The following TRPA1 variants were observed in gnomAD, a reference collection of about 807,000 sequenced individuals.
The protein encoded by TRPA1 is transient receptor potential cation channel subfamily A member 1.
Under a neutral mutation model 131.3 loss-of-function variants are expected in TRPA1, and 129 were observed. That is an observed-to-expected ratio of 0.98 (90% CI 0.85 to 1.14). TRPA1 has a LOEUF of 1.14. TRPA1 is among the 50% of genes most tolerant of loss of function. TRPA1 has a pLI of 0.00. For missense variants in TRPA1, 1,304 were observed against 1,354.2 expected (o/e 0.96, Z 0.58); for synonymous variants, 441 against 451.7 (o/e 0.98, Z 0.30).
At chr8:72,081,837 A>T in the TRPA1 span, among the ~76,000 whole-genome samples, 1 of 151,846 alleles carries the variant, frequency 6.6e-6, no homozygotes, top group Admixed American at 6.6e-5. Context: ...CAGATGGCAG[A>T]TCTTTTTCCA....
At chr8:72,083,778 T>A in the TRPA1 span, among the ~76,000 whole-genome samples, 4 of 151,506 alleles carry the variant, frequency 2.6e-5, no homozygotes, top group East Asian at 1.9e-4. Flanking sequence ...CAAAAAAAAA[T>A]TTTTCTGTAA....
rs976411300 is a variant in TRPA1, at chr8:72,038,088, A to G, written c.2296-16T>C. 2.4e-6 allele frequency: 3 copies of G among 1,240,160 alleles called. No homozygotes were observed. Among genetic ancestry groups the G allele is most frequent in the Non-Finnish European group, 3.5e-6 (3 of 847,442 alleles). 76.8% of individuals were successfully genotyped at this position (1,240,160 alleles called of 1,614,324 possible). The stretch of plus-strand genomic sequence containing the variant: ...GATATGAATTCTAAAACAAAAAAGG[A>G]TAAGACACATAGTTATGAGAGATAT... On this transcript the variant is annotated splice_polypyrimidine_tract_variant and intron_variant, in intron 19 of 26. Transcript: ENST00000262209.
chr8:72,025,104 TCGTGTG>T lies in TRPA1; in HGVS notation c.3051+850_3051+855del, dbSNP rs777052205. ...TATAGTGGATGCTGTGTGTGTGTGT[TCGTGTG>T]TGTGTGTGTGTGTGTGTGTGTGTGT... On this transcript the variant is annotated intron_variant, in intron 25 of 26. Coordinates refer to ENST00000262209, the MANE Select transcript of TRPA1 (RefSeq NM_007332.3). 1.4e-3 allele frequency among the ~76,000 whole-genome samples: 180 copies of T among 125,678 alleles called. 2 individuals carry two copies. Among genetic ancestry groups the T allele is most frequent in the South Asian group, 0.01 (40 of 3,844 alleles). 82.4% of individuals were successfully genotyped at this position (125,678 alleles called of 152,430 possible).
chr8:72,063,735 G>A (rs1407227638), intron 4 of TRPA1, among the ~76,000 whole-genome samples, 164 bp from the exon 5 acceptor site: 1 of 152,096 alleles, frequency 6.6e-6, no homozygotes, highest in Non-Finnish European at 1.5e-5. Flanking sequence ...AGGTAATTTT[G>A]AAGTAGACTA....
chr8:72,073,045 C>T (rs538607822), intron 1 of TRPA1, among the ~76,000 whole-genome samples: 3 of 152,114 alleles, frequency 2.0e-5, no homozygotes, highest in Non-Finnish European at 4.4e-5. Context: ...AATGTAGTTT[C>T]ATGTTGTCAC....
At chr8:72,039,081 T>C (rs1198073331) in intron 18 of TRPA1, 54 bp from the exon 19 acceptor site, 1 of 1,578,358 alleles carries the variant, frequency 6.3e-7, no homozygotes, top group African/African-American at 1.3e-5. Context: ...AAATATTTAC[T>C]TAAGATACCT....
At chr8:72,084,801 G>A in the TRPA1 span, among the ~76,000 whole-genome samples, 193 of 151,774 alleles carry the variant, frequency 1.3e-3, no homozygotes, top group Non-Finnish European at 2.3e-3. Flanking sequence ...ACAGGTGCCT[G>A]CCACCACACC....
chr8:72,063,694 G>C, intron 4 of TRPA1, 123 bp from the exon 5 acceptor site: 1 of 688,542 alleles, frequency 1.5e-6, no homozygotes, highest in Non-Finnish European at 2.6e-6. Context: ...AGTACATAGA[G>C]AGCTTCATAT....
At chr8:72,075,638 G>A (rs1023430115), upstream of TRPA1, 1 of 560,338 alleles carries the variant, frequency 1.8e-6, no homozygotes, top group Non-Finnish European at 3.2e-6. Flanking sequence ...GGCGGGGCGC[G>A]GAGAGGAGGT....
At chr8:72,083,615 CGT>C in the TRPA1 span, among the ~76,000 whole-genome samples, 1 of 151,066 alleles carries the variant, frequency 6.6e-6, no homozygotes, top group South Asian at 2.1e-4. Flanking sequence ...TGGTGGCAGG[CGT>C]CTGTAGTCCC....
intron 17 of TRPA1, among the ~76,000 whole-genome samples, chr8:72,043,813 A>G (rs1007066649): frequency 1.3e-5 from 2 of 151,904 alleles, no homozygotes; most frequent in Non-Finnish European, 2.9e-5. Context: ...TATAATTTTC[A>G]TCAGCACTCT....
intron 17 of TRPA1, chr8:72,041,378 A>T (rs557544921): frequency 1.3e-5 from 2 of 152,150 alleles, no homozygotes; most frequent in Admixed American, 1.3e-4. Context: ...AGACATACAC[A>T]GAACAGTTCA....
Position 72,023,969 on chromosome 8 carries a change from A to G in TRPA1, c.3052-58T>C, listed in dbSNP as rs553840060. On this transcript the variant is annotated intron_variant, in intron 25 of 26. Coordinates refer to ENST00000262209, the MANE Select transcript of TRPA1 (RefSeq NM_007332.3). ...GAATTCAATTCAGGAACTTTTTCTT[A>G]AGCATGTGCCAAAATTCAACCACCA... is the stretch of plus-strand genomic sequence containing the variant. The G allele has an allele frequency of 9.8e-5, 116 of 1,188,786 alleles. No individual in the cohort carries two copies. In the African/African-American group the frequency reaches 1.2e-3, roughly 12 times the overall value. The allele number at this position is 1,188,786 out of a possible 1,614,324, so 73.6% of individuals were successfully genotyped here. A position where few individuals can be genotyped will look rare whatever the true frequency, so the allele number is the denominator to read the frequency against.
chr8:72,041,527 T>TGA (rs1375670875), intron 17 of TRPA1, among the ~76,000 whole-genome samples: 2 of 151,782 alleles, frequency 1.3e-5, no homozygotes, highest in African/African-American at 2.4e-5. Flanking sequence ...CTCACTACAG[T>TGA]GGAATAAAAC....
intron 17 of TRPA1, among the ~76,000 whole-genome samples, chr8:72,044,489 A>G (rs1812361210): frequency 6.6e-6 from 1 of 152,018 alleles, no homozygotes; most frequent in African/African-American, 2.4e-5. Context: ...AATAACAAAT[A>G]CAGAAAACCT....
chr8:72,061,337 T>C (rs1483777261), intron 7 of TRPA1, among the ~76,000 whole-genome samples: 1 of 152,160 alleles, frequency 6.6e-6, no homozygotes, highest in Non-Finnish European at 1.5e-5. Context: ...AGACCGTGTA[T>C]GTAGACTTCT....
Position 72,026,532 on chromosome 8 carries a change from A to G in TRPA1, c.2938-459T>C, listed in dbSNP as rs552575457. On this transcript the variant is annotated intron_variant, in intron 24 of 26. Transcript: ENST00000262209. ...TACACATCTAGGGCAGGAGAGAAGA[A>G]GGAGTGCTTAACTGGAGGAAGACAA... 3.1e-3 allele frequency among the ~76,000 whole-genome samples: 475 copies of G among 152,312 alleles called. 6 individuals are homozygous for G. Among genetic ancestry groups the G allele is most frequent in the African/African-American group, 0.011 (457 of 41,570 alleles).
At chr8:72,089,531 A>G in the TRPA1 span, among the ~76,000 whole-genome samples, 2 of 152,212 alleles carry the variant, frequency 1.3e-5, no homozygotes, top group Middle Eastern at 3.4e-3. Context: ...AGCTAACACA[A>G]TATCTTTAGT....
chr8:72,051,820 C>T (rs1178838364), intron 14 of TRPA1, among the ~76,000 whole-genome samples: 2 of 152,158 alleles, frequency 1.3e-5, no homozygotes, highest in Non-Finnish European at 2.9e-5. Flanking sequence ...GTTTAGAAAC[C>T]CACCAACACC....
Sources: allele counts gnomAD v4.1 joint callset (sites outside exome capture counted in the v4.1 genomes callset), GRCh38; gene constraint gnomAD v4.1.1; transcripts MANE v1.5; gene names NCBI Gene and HGNC (gene_info 2026-07-23, HGNC 2026-07-21).